The following NRXN3 variants were observed in gnomAD, a reference collection of about 807,000 sequenced individuals.
NRXN3 encodes the protein neurexin 3.
A neutral mutation model predicts 137.6 loss-of-function variants in NRXN3; 32 were observed. The ratio of observed to expected loss-of-function variants is 0.23; its 90% CI spans 0.18 to 0.31. The LOEUF (loss-of-function observed/expected upper bound fraction) is 0.31, where lower values mean the gene tolerates loss of function less well. Among genes scored for constraint, NRXN3 ranks in the 10% least tolerant of loss-of-function variants. The pLI is 1.00. For missense variants in NRXN3, 1,574 were observed against 2,062.5 expected (o/e 0.76, Z 4.59); for synonymous variants, 798 against 784.5 (o/e 1.02, Z -0.29).
At chr14:79,316,421 A>G (rs1265507861) in intron 15 of NRXN3, among the ~76,000 whole-genome samples, 1 of 152,188 alleles carries the variant, frequency 6.6e-6, no homozygotes, top group African/African-American at 2.4e-5. Context: ...TTCAACAACC[A>G]GTAGGAAATG....
At chr14:78,774,601 A>G (rs951195498) in intron 8 of NRXN3, among the ~76,000 whole-genome samples, 6 of 152,172 alleles carry the variant, frequency 3.9e-5, no homozygotes, top group African/African-American at 1.4e-4. Context: ...TCCACTTTTT[A>G]GGTGAGGAAC....
intron 19 of NRXN3, among the ~76,000 whole-genome samples, chr14:79,744,524 T>A (rs1305584936): frequency 6.6e-6 from 1 of 152,164 alleles, no homozygotes; most frequent in East Asian, 1.9e-4. Flanking sequence ...CAAAACCTAG[T>A]TATTATATTT....
At chr14:79,719,103 C>G (rs953347299) in intron 19 of NRXN3, among the ~76,000 whole-genome samples, 7 of 152,060 alleles carry the variant, frequency 4.6e-5, no homozygotes, top group African/African-American at 1.4e-4. Flanking sequence ...CACATCAGTC[C>G]TTACTTTAGG....
chr14:79,358,603 GAAAGAGAAAGAAAGAAAGAAAGAAAGAA>G (rs2093535930), intron 15 of NRXN3, among the ~76,000 whole-genome samples: 2 of 87,036 alleles, frequency 2.3e-5, no homozygotes, highest in East Asian at 3.9e-4. Flanking sequence ...AAGAAAGAAA[GAAAGAGAAAGAAAGAAAGAAAGAAAGAA>G]AGAAAGAAAG....
intron 1 of NRXN3, among the ~76,000 whole-genome samples, chr14:78,215,682 C>G (rs573653688): frequency 1.4e-5 from 2 of 147,464 alleles, no homozygotes; most frequent in South Asian, 4.2e-4. Flanking sequence ...TAGGAAGCAC[C>G]CTTGTCCACA....
intron 10 of NRXN3, among the ~76,000 whole-genome samples, chr14:78,862,602 T>C (rs2099075636): frequency 6.6e-6 from 1 of 152,106 alleles, no homozygotes; most frequent in Non-Finnish European, 1.5e-5. Context: ...ACTTGCTGCT[T>C]ATACAGAATG....
At chr14:79,454,297 T>C (rs1345098262) in intron 15 of NRXN3, among the ~76,000 whole-genome samples, 1 of 152,150 alleles carries the variant, frequency 6.6e-6, no homozygotes, top group African/African-American at 2.4e-5. Context: ...TTGGCCACGA[T>C]GGTCTCGATC....
rs968076912 is a variant in NRXN3, at chr14:79,864,563, T to C, written c.*2599T>C. On this transcript the variant is annotated 3_prime_UTR_variant, in exon 21 of 21. Transcript: ENST00000335750. ...GATATTCTAAGCAGTTACTAATTATTACATTATCAAAATGCCATATTTATG... is the reference window on the plus strand; with the variant it reads ...GATATTCTAAGCAGTTACTAATTATCACATTATCAAAATGCCATATTTATG... 1 of 152,396 alleles carries C rather than the reference T, an allele frequency of 6.6e-6. No homozygotes were observed. The highest frequency in any genetic ancestry group is 1.9e-4 in the East Asian group (1 of 5,194). 9.4% of individuals were successfully genotyped at this position (152,396 alleles called of 1,614,324 possible).
chr14:78,693,452 A>G (rs2098192812), intron 6 of NRXN3, among the ~76,000 whole-genome samples: 1 of 151,750 alleles, frequency 6.6e-6, no homozygotes, highest in Admixed American at 6.6e-5. Flanking sequence ...CCTGCTCTAG[A>G]TCCCTGGTCC....
rs143007025 is a variant in NRXN3 at position 79,261,400 on chromosome 14, C to T, written c.3263-205821C>T. Among the ~76,000 whole-genome samples, 277 of 152,080 alleles carry T rather than the reference C, an allele frequency of 1.8e-3. 1 individual carries two copies. The highest frequency in any genetic ancestry group is 6.4e-3 in the African/African-American group (264 of 41,492). On this transcript the variant is annotated intron_variant, in intron 15 of 20. Coordinates refer to ENST00000335750, the MANE Select transcript of NRXN3 (RefSeq NM_001330195.2). ...TTTGCATTCTTGGAGCAGATCTGTTCGGTTCCAGACTAGAGATGCAGAAAG... is the reference window on the plus strand; with the variant it reads ...TTTGCATTCTTGGAGCAGATCTGTTTGGTTCCAGACTAGAGATGCAGAAAG...
chr14:79,565,347 G>GTATGTATATATATA (rs1491496752), intron 16 of NRXN3, among the ~76,000 whole-genome samples: 52 of 146,722 alleles, frequency 3.5e-4, no homozygotes, highest in African/African-American at 1.3e-3. Context: ...ACATATGTGT[G>GTATGTATATATATA]CGTATATGTA....
chr14:78,706,793 C>A (rs763034637), intron 6 of NRXN3, among the ~76,000 whole-genome samples: 149 of 152,288 alleles, frequency 9.8e-4, no homozygotes, highest in Non-Finnish European at 1.4e-3. Context: ...AATAGTGAGT[C>A]ATTTTCAATG....
chr14:78,778,678 T>TTTTCTTTCTTTCTTTC (rs56391630), intron 8 of NRXN3, among the ~76,000 whole-genome samples: 87 of 114,508 alleles, frequency 7.6e-4, no homozygotes, highest in East Asian at 8.0e-4. Flanking sequence ...TTCTCTTTTC[T>TTTTCTTTCTTTCTTTC]TTTCTTTCTT....
intron 4 of NRXN3, among the ~76,000 whole-genome samples, chr14:78,342,878 A>T (rs1013034276): frequency 6.6e-6 from 1 of 152,138 alleles, no homozygotes; most frequent in African/African-American, 2.4e-5. Flanking sequence ...GGTGGTTAAT[A>T]ACACTTTAGA....
At chr14:79,532,189 G>A (rs1321301469) in intron 16 of NRXN3, among the ~76,000 whole-genome samples, 1 of 152,148 alleles carries the variant, frequency 6.6e-6, no homozygotes, top group African/African-American at 2.4e-5. Flanking sequence ...AGCATTTATA[G>A]CATATATGGA....
At chr14:78,971,856 G>A (rs757524291) in intron 14 of NRXN3, among the ~76,000 whole-genome samples, 3 of 151,994 alleles carry the variant, frequency 2.0e-5, no homozygotes, top group African/African-American at 7.3e-5. Context: ...GGCTGGTCTC[G>A]ACCTCTTGAT....
chr14:79,063,983 GTA>G (rs1244613211), intron 15 of NRXN3, among the ~76,000 whole-genome samples: 1 of 152,140 alleles, frequency 6.6e-6, no homozygotes, highest in Non-Finnish European at 1.5e-5. Context: ...ATAAAAACAA[GTA>G]TGTGTGAAGA....
intron 16 of NRXN3, among the ~76,000 whole-genome samples, chr14:79,618,740 G>A (rs1483165219): frequency 6.6e-6 from 1 of 152,072 alleles, no homozygotes; most frequent in African/African-American, 2.4e-5. Context: ...GAGTTGAATG[G>A]TAATACCATT....
At chr14:78,994,352 G>T (rs573865069) in intron 15 of NRXN3, among the ~76,000 whole-genome samples, 1 of 152,200 alleles carries the variant, frequency 6.6e-6, no homozygotes, top group East Asian at 1.9e-4. Context: ...GCCCTGCTTT[G>T]TTTGGTTTAA....
Sources: gnomAD v4.1 joint callset for allele counts (sites outside exome capture counted in the v4.1 genomes callset) on GRCh38, gnomAD v4.1.1 for gene constraint, MANE v1.5 for transcripts, NCBI Gene and HGNC (gene_info 2026-07-23, HGNC 2026-07-21) for gene names.